Variants in EEIG2 observed in about 807,000 individuals in gnomAD.
The protein encoded by EEIG2 is EEIG family member 2.
chr1:108,609,482 A>C, the EEIG2 span, among the ~76,000 whole-genome samples: 1 of 152,220 alleles, frequency 6.6e-6, no homozygotes, highest in Non-Finnish European at 1.5e-5. Context: ...TGGTCAGGGA[A>C]GGCCCCTTTA....
At chr1:108,592,814 A>C in the EEIG2 span, among the ~76,000 whole-genome samples, 2 of 152,186 alleles carry the variant, frequency 1.3e-5, no homozygotes, top group African/African-American at 4.8e-5. Context: ...GCATATAACA[A>C]AATCCAAAAT....
chr1:108,596,885 C>T, the EEIG2 span, among the ~76,000 whole-genome samples: 1 of 151,984 alleles, frequency 6.6e-6, no homozygotes, highest in African/African-American at 2.4e-5. Context: ...ACTACAGGTG[C>T]ACGCCACCAT....
chr1:108,636,856 G>T, the EEIG2 span: 1 of 152,078 alleles, frequency 6.6e-6, no homozygotes, highest in Non-Finnish European at 1.5e-5. Flanking sequence ...TTTTTATAGA[G>T]ATATGAAGAT....
chr1:108,594,304 A>G, the EEIG2 span, among the ~76,000 whole-genome samples: 1 of 152,250 alleles, frequency 6.6e-6, no homozygotes, highest in African/African-American at 2.4e-5. Flanking sequence ...AGAAGGGTCA[A>G]GTATGATACT....
At chr1:108,564,848 G>C in the EEIG2 span, among the ~76,000 whole-genome samples, 20,464 of 152,040 alleles carry the variant, frequency 0.13, 2,014 homozygotes, top group African/African-American at 0.28. Flanking sequence ...TCAGGAGGCT[G>C]AGGTAGGAGG....
chr1:108,614,205 TAAAA>T, the EEIG2 span, among the ~76,000 whole-genome samples: 4 of 101,220 alleles, frequency 4.0e-5, no homozygotes, highest in Admixed American at 2.3e-4. Flanking sequence ...ACCCCATCTC[TAAAA>T]AAAAAAAAAA....
the EEIG2 span, among the ~76,000 whole-genome samples, chr1:108,617,570 T>A: frequency 6.6e-6 from 1 of 152,026 alleles, no homozygotes; most frequent in Non-Finnish European, 1.5e-5. Flanking sequence ...GGGCAGGAGA[T>A]AGAAGTTTGG....
At chr1:108,597,643 T>C in the EEIG2 span, among the ~76,000 whole-genome samples, 1 of 152,206 alleles carries the variant, frequency 6.6e-6, no homozygotes, top group Non-Finnish European at 1.5e-5. Flanking sequence ...CTCAGTATGC[T>C]AAACTAGTTA....
the EEIG2 span, among the ~76,000 whole-genome samples, chr1:108,618,412 CAG>C: frequency 6.6e-6 from 1 of 152,162 alleles, no homozygotes; most frequent in Non-Finnish European, 1.5e-5. Flanking sequence ...GAAGTCCTCA[CAG>C]AGAGTGAGCA....
the EEIG2 span, among the ~76,000 whole-genome samples, chr1:108,598,813 T>G: frequency 6.6e-6 from 1 of 152,196 alleles, no homozygotes; most frequent in African/African-American, 2.4e-5. Context: ...TTCCTGTTCT[T>G]GGATTTCTGT....
At chr1:108,599,808 A>G in the EEIG2 span, among the ~76,000 whole-genome samples, 8 of 152,352 alleles carry the variant, frequency 5.3e-5, no homozygotes, top group Middle Eastern at 3.4e-3. Context: ...CCTGGACAAC[A>G]TAGCCAAACC....
chr1:108,632,296 G>T, the EEIG2 span, among the ~76,000 whole-genome samples: 6 of 152,058 alleles, frequency 3.9e-5, no homozygotes, highest in Admixed American at 3.3e-4. Context: ...CTTCTGAGGA[G>T]AGGGGGTTGT....
chr1:108,566,688 C>T, the EEIG2 span, among the ~76,000 whole-genome samples: 32 of 151,294 alleles, frequency 2.1e-4, no homozygotes, highest in African/African-American at 5.3e-4. Flanking sequence ...GGAAATTATT[C>T]GGCCTTTTAA....
At chr1:108,637,878 G>A in the EEIG2 span, 1 of 152,590 alleles carries the variant, frequency 6.6e-6, no homozygotes, top group Admixed American at 6.6e-5. Flanking sequence ...AAGGCCCTGA[G>A]CCATCAGTTT....
At chr1:108,598,802 AT>A in the EEIG2 span, among the ~76,000 whole-genome samples, 1 of 152,124 alleles carries the variant, frequency 6.6e-6, no homozygotes, top group Non-Finnish European at 1.5e-5. Flanking sequence ...TTTTTTTATA[AT>A]TCCTGTTCTT....
At chr1:108,612,600 A>C in the EEIG2 span, among the ~76,000 whole-genome samples, 1 of 152,248 alleles carries the variant, frequency 6.6e-6, no homozygotes, top group African/African-American at 2.4e-5. Flanking sequence ...TGAATACCTT[A>C]AAATGTTTGT....
chr1:108,606,074 G>A, the EEIG2 span: 1 of 439,030 alleles, frequency 2.3e-6, no homozygotes, highest in Non-Finnish European at 4.0e-6. Context: ...GCTTGTGGGA[G>A]TCTAAATAGT....
chr1:108,576,403 G>A, the EEIG2 span, among the ~76,000 whole-genome samples: 3 of 142,772 alleles, frequency 2.1e-5, no homozygotes, highest in East Asian at 2.1e-4. Context: ...CCACTAACTC[G>A]TCATCTAGCA....
the EEIG2 span, among the ~76,000 whole-genome samples, chr1:108,591,141 C>T: frequency 1.4e-4 from 22 of 152,300 alleles, no homozygotes; most frequent in Non-Finnish European, 2.9e-4. Context: ...ACTCACATAA[C>T]GGAAACCATT....
Sources: gnomAD v4.1 joint callset for allele counts (sites outside exome capture counted in the v4.1 genomes callset) on GRCh38, gnomAD v4.1.1 for gene constraint, MANE v1.5 for transcripts, NCBI Gene and HGNC (gene_info 2026-07-23, HGNC 2026-07-21) for gene names.